The following TAF4 variants were observed in gnomAD, a reference collection of about 807,000 sequenced individuals.
The protein encoded by TAF4 is TATA-box binding protein associated factor 4, also known as transcription initiation factor TFIID subunit 4.
A neutral mutation model predicts 90.3 loss-of-function variants in TAF4; 9 were observed. The observed-to-expected ratio is 0.10, with a 90% CI of 0.06 to 0.17. The LOEUF (loss-of-function observed/expected upper bound fraction) is 0.17. Among genes scored for constraint, TAF4 ranks in the 10% least tolerant of loss-of-function variants. The pLI, the probability that TAF4 is intolerant of heterozygous loss-of-function variation, is 1.00. For missense variants in TAF4, 1,351 were observed against 1,370.7 expected, an observed-to-expected ratio of 0.99 and a Z score of 0.23; for synonymous variants, 818 against 638.9, an observed-to-expected ratio of 1.28 and a Z score of -4.23.
At chr20:61,982,801 C>A (rs1370992894) in intron 14 of TAF4, among the ~76,000 whole-genome samples, 1 of 152,234 alleles carries the variant, frequency 6.6e-6, no homozygotes, top group African/African-American at 2.4e-5. Context: ...GCTCTCAGAG[C>A]CGACGGCAGG....
intron 11 of TAF4, 70 bp downstream of exon 11, chr20:62,000,054 G>C: frequency 6.2e-7 from 1 of 1,606,426 alleles, no homozygotes; most frequent in Admixed American, 1.7e-5. Flanking sequence ...GTGTGGGGAG[G>C]AGGCTCCCAG....
intron 1 of TAF4, among the ~76,000 whole-genome samples, chr20:62,059,552 C>T (rs559174436): frequency 1.8e-4 from 28 of 152,234 alleles, no homozygotes; most frequent in Non-Finnish European, 3.4e-4. Flanking sequence ...GAAGCAGAAG[C>T]GTCCAGGAAG....
At chr20:61,998,050 T>A in intron 13 of TAF4, 86 bp downstream of exon 13, 1 of 1,290,764 alleles carries the variant, frequency 7.7e-7, no homozygotes, top group Non-Finnish European at 1.1e-6. Context: ...CGTACAGAAG[T>A]GCCACGGTTT....
chr20:61,994,643 G>A (rs1201887168), intron 14 of TAF4, among the ~76,000 whole-genome samples: 2 of 152,194 alleles, frequency 1.3e-5, no homozygotes, highest in South Asian at 2.1e-4. Context: ...GCGAGCCCCA[G>A]CACGGAGGTC....
At chr20:61,997,460 C>T (rs936001412) in intron 14 of TAF4, 90 bp downstream of exon 14, 1 of 1,329,354 alleles carries the variant, frequency 7.5e-7, no homozygotes, top group Admixed American at 2.9e-5. Flanking sequence ...AAAGCAAATT[C>T]CCCTATGTGT....
chr20:62,064,744 G>C lies in TAF4; in HGVS notation c.1067C>G (p.Pro356Arg). The change falls in exon 1 of 15, where the codon CCG becomes CGG. Residue 356 changes from proline (P) to arginine (R), a missense_variant. Pro to Arg is a moderately radical substitution (Grantham distance 103, BLOSUM62 -2). Transcript: ENST00000252996. ...GCTGGCCGCCAGGGTCTGCGCCGCC[G>C]GGGGCGCCGCCTGCACCACCCTCTT... ...SPKRVVQAAP[P>R]AAQTLAASGP... The C allele has an allele frequency of 2.6e-6, 3 of 1,168,338 alleles. No homozygotes were observed. Among genetic ancestry groups the C allele is most frequent in the East Asian group, 4.1e-5 (1 of 24,102 alleles). 72.4% of individuals were successfully genotyped at this position (1,168,338 alleles called of 1,614,324 possible). A position where few individuals can be genotyped will look rare whatever the true frequency, so the allele number is the denominator to read the frequency against.
chr20:62,042,099 T>C (rs2055966943), intron 1 of TAF4, among the ~76,000 whole-genome samples: 1 of 152,068 alleles, frequency 6.6e-6, no homozygotes, highest in Non-Finnish European at 1.5e-5. Flanking sequence ...GCCCAAATGT[T>C]GCCTTTTCCA....
At chr20:62,019,163 A>G (rs2055828798) in intron 1 of TAF4, among the ~76,000 whole-genome samples, 1 of 152,236 alleles carries the variant, frequency 6.6e-6, no homozygotes, top group African/African-American at 2.4e-5. Flanking sequence ...AGTGTTCTTC[A>G]CAGAAAGTTT....
At chr20:62,038,031 T>G (rs1207093468) in intron 1 of TAF4, 2 of 151,704 alleles carry the variant, frequency 1.3e-5, no homozygotes, top group Non-Finnish European at 2.9e-5. Context: ...TTTTGTTGTT[T>G]TTTTTTTGGT....
chr20:61,985,476 C>T (rs1410177881), intron 14 of TAF4, among the ~76,000 whole-genome samples: 2 of 151,912 alleles, frequency 1.3e-5, no homozygotes, highest in Non-Finnish European at 2.9e-5. Flanking sequence ...AAGAACAATA[C>T]TCATCTATGT....
intron 8 of TAF4, 44 bp from the exon 9 acceptor site, chr20:62,003,318 A>C: frequency 6.7e-7 from 1 of 1,489,844 alleles, no homozygotes. Flanking sequence ...GGCTTTTATT[A>C]GATCAACTAT....
At chr20:62,018,300 T>A (rs2055824000) in intron 1 of TAF4, among the ~76,000 whole-genome samples, 1 of 152,182 alleles carries the variant, frequency 6.6e-6, no homozygotes, top group Non-Finnish European at 1.5e-5. Context: ...CTGAGGACAC[T>A]CAGAACACCA....
intron 1 of TAF4, among the ~76,000 whole-genome samples, chr20:62,037,219 C>G (rs890918548): frequency 1.3e-5 from 2 of 152,068 alleles, no homozygotes; most frequent in Non-Finnish European, 2.9e-5. Flanking sequence ...CAAAATGTCC[C>G]TTCTCAACGC....
At chr20:62,054,100 T>C (rs931895983) in intron 1 of TAF4, among the ~76,000 whole-genome samples, 1 of 152,240 alleles carries the variant, frequency 6.6e-6, no homozygotes, top group Non-Finnish European at 1.5e-5. Context: ...GCACTCAGGA[T>C]ATTCCCTTCT....
At chr20:62,035,641 G>A (rs1190980231) in intron 1 of TAF4, among the ~76,000 whole-genome samples, 7 of 152,242 alleles carry the variant, frequency 4.6e-5, no homozygotes, top group East Asian at 1.9e-4. Context: ...TATTACCTTC[G>A]GGTTAGAAAG....
intron 7 of TAF4, chr20:62,004,935 G>A (rs984375992): frequency 1.3e-5 from 2 of 152,292 alleles, no homozygotes; most frequent in Admixed American, 1.3e-4. Context: ...CTTGTCAAAA[G>A]CCAATGCTCA....
chr20:62,005,626 C>G (rs969783244), intron 7 of TAF4: 1 of 152,286 alleles, frequency 6.6e-6, no homozygotes, highest in Non-Finnish European at 1.5e-5. Flanking sequence ...TCTCTTTACA[C>G]AGGCGCTCAG....
Position 62,064,597 on chromosome 20 carries a change from G to C in TAF4, c.1214C>G (p.Ala405Gly). 6.8e-7 allele frequency: 1 copy of C among 1,468,586 alleles called. No individual in the cohort carries two copies. 91.0% of individuals were successfully genotyped at this position (1,468,586 alleles called of 1,614,324 possible). A position where few individuals can be genotyped will look rare whatever the true frequency, so the allele number is the denominator to read the frequency against. ...GTPTGLPKGAAGAVTQSLSRT... is the reference protein window; with the variant it reads ...GTPTGLPKGAGGAVTQSLSRT... ...GGACAGGCTCTGGGTCACTGCGCCG[G>C]CCGCGCCTTTGGGCAGCCCGGTGGG... is the stretch of plus-strand genomic sequence containing the variant. The change falls in exon 1 of 15, where the codon GCC (alanine) becomes GGC (glycine). Residue 405 changes from alanine to glycine, a missense_variant. By Grantham distance (60) the Ala-to-Gly change is moderately conservative. Coordinates refer to ENST00000252996, the MANE Select transcript of TAF4 (RefSeq NM_003185.4).
intron 14 of TAF4, among the ~76,000 whole-genome samples, chr20:61,977,718 C>A (rs74613582): frequency 0.022 from 3,291 of 152,300 alleles, 123 homozygotes; most frequent in African/African-American, 0.076. Context: ...GAAGCCTCCG[C>A]ACTCCACACT....
Sources: gnomAD v4.1 joint callset for allele counts (sites outside exome capture counted in the v4.1 genomes callset) on GRCh38, gnomAD v4.1.1 for gene constraint, MANE v1.5 for transcripts, NCBI Gene and HGNC (gene_info 2026-07-23, HGNC 2026-07-21) for gene names.